The following GAL3ST2 variants were observed in gnomAD, a reference collection of about 807,000 sequenced individuals.
GAL3ST2 encodes beta-galactose-3-O-sulfotransferase 2.
A neutral mutation model predicts 12.9 loss-of-function variants in GAL3ST2; 16 were observed. The ratio of observed to expected loss-of-function variants is 1.24; its 90% confidence interval spans 0.84 to 1.88. GAL3ST2 has a LOEUF of 1.88. Ranked by LOEUF, GAL3ST2 falls within the 40% of genes most tolerant of loss-of-function variation. The pLI is 0.00. For synonymous variants in GAL3ST2, 302 were observed against 273.9 expected, an observed-to-expected ratio of 1.10 and a Z score of -1.01; for missense variants, 639 against 571.8, an observed-to-expected ratio of 1.12 and a Z score of -1.20.
chr2:241,777,076 C>A, intron 1 of GAL3ST2, 92 bp downstream of exon 1: 3 of 1,125,566 alleles, frequency 2.7e-6, no homozygotes, highest in Non-Finnish European at 3.6e-6. Flanking sequence ...GTTTGTCTTT[C>A]GAAGGAAGTG....
rs191648269 is a variant in GAL3ST2 at position 241,801,523 on chromosome 2, C to T, written c.120-258C>T. ...CATTTAGGGTTTTATTTTTAGTTCT[C>T]GGGGGCACAGGGTTGGGGGAGCATG... On this transcript the variant is annotated intron_variant, in intron 2 of 3. Transcript: ENST00000192314. The surrounding 1 kb of genome is among the most constrained non-coding windows in gnomAD (Gnocchi z 4.4). 8.6e-5 allele frequency: 47 copies of T among 548,828 alleles called. No individual in the cohort carries two copies. Among genetic ancestry groups the T allele is most frequent in the African/African-American group, 4.6e-4 (23 of 50,490 alleles). The allele number at this position is 548,828 out of a possible 1,614,324, so 34.0% of individuals were successfully genotyped here.
intron 1 of GAL3ST2, among the ~76,000 whole-genome samples, chr2:241,781,988 C>T (rs1198580951): frequency 6.6e-6 from 1 of 152,212 alleles, no homozygotes; most frequent in East Asian, 1.9e-4. Flanking sequence ...AAACAATAAG[C>T]CCTAATAAAA....
At chr2:241,781,218 AAAAAC>A (rs1699562361) in intron 1 of GAL3ST2, among the ~76,000 whole-genome samples, 1 of 152,248 alleles carries the variant, frequency 6.6e-6, no homozygotes, top group Non-Finnish European at 1.5e-5. Context: ...CTTAACTCTA[AAAAAC>A]AAAACAAAGG....
At chr2:241,788,615 A>G (rs970318885) in intron 1 of GAL3ST2, among the ~76,000 whole-genome samples, 16 of 152,188 alleles carry the variant, frequency 1.1e-4, no homozygotes, top group Non-Finnish European at 1.9e-4. Context: ...TCTCCCAGCC[A>G]AAGGTGCCCC....
chr2:241,777,045 A>G, intron 1 of GAL3ST2, 61 bp downstream of exon 1: 1 of 1,373,262 alleles, frequency 7.3e-7, no homozygotes, highest in Non-Finnish European at 9.7e-7. Flanking sequence ...CTATTCTGAG[A>G]GACGGACAGG....
intron 2 of GAL3ST2, among the ~76,000 whole-genome samples, chr2:241,799,451 C>T (rs1187713089): frequency 6.6e-6 from 1 of 152,188 alleles, no homozygotes; most frequent in Non-Finnish European, 1.5e-5. Context: ...CCTTCTTGCT[C>T]CCCACAACAG....
rs995405424 is a variant in GAL3ST2, at chr2:241,795,910, G to A, written c.30-3155G>A. Among the ~76,000 whole-genome samples, 10 of 152,214 alleles carry A rather than the reference G, an allele frequency of 6.6e-5. No homozygotes were observed. The highest frequency in any genetic ancestry group is 5.2e-4 in the Admixed American group (8 of 15,288). The stretch of plus-strand genomic sequence containing the variant: ...CTCTTCAAGGTGGTTCCATTTTGAC[G>A]TAAGGACTGGAGGGGTGCATTGAAG... On this transcript the variant is annotated intron_variant, in intron 1 of 3. Transcript: ENST00000192314. This position sits in a 1 kb window ranked among gnomAD's most constrained non-coding sequence, Gnocchi z 4.5.
At chr2:241,788,455 C>A (rs1423072037) in intron 1 of GAL3ST2, among the ~76,000 whole-genome samples, 1 of 152,028 alleles carries the variant, frequency 6.6e-6, no homozygotes, top group African/African-American at 2.4e-5. Context: ...AAGATGCATT[C>A]TAAAGGGTCT....
chr2:241,800,562 C>T lies in GAL3ST2; in HGVS notation c.120-1219C>T, dbSNP rs559820694. On this transcript the variant is annotated intron_variant, in intron 2 of 3. Transcript: ENST00000192314. The surrounding 1 kb of genome is among the most constrained non-coding windows in gnomAD (Gnocchi z 5.2). ...AACTGCGTTACAATCAGGCCCTGCA[C>T]GTCAGAAGGTGGAGCCGGGACGGGA... Among the ~76,000 whole-genome samples, 14 of 152,316 alleles carry T rather than the reference C, an allele frequency of 9.2e-5. No homozygotes were observed. In the East Asian group the frequency reaches 2.3e-3, roughly 25 times the overall value.
Position 241,801,867 on chromosome 2 carries a change from AC to A in GAL3ST2, c.207del (p.Asn69LysfsTer51). On this transcript the variant is annotated frameshift_variant, in exon 3 of 4. Transcript: ENST00000192314. LOFTEE classifies it high-confidence loss of function. This position sits in a 1 kb window ranked among gnomAD's most constrained non-coding sequence, Gnocchi z 4.4. ...AAGACGGCCAGCAGCACGGTGCTCA[AC>A]ATCCTCTACCGCTTCGCCGAGACCC... ...THKTASSTVL[N>X]ILYRFAETHN... 1 of 1,612,880 alleles carries A rather than the reference AC, an allele frequency of 6.2e-7. No homozygotes were observed. The highest frequency in any genetic ancestry group is 1.1e-5 in the South Asian group (1 of 91,068).
chr2:241,787,541 T>TCC (rs201594591), intron 1 of GAL3ST2, among the ~76,000 whole-genome samples: 13 of 59,502 alleles, frequency 2.2e-4, no homozygotes, highest in African/African-American at 5.8e-4. Context: ...CTTCTCCTCC[T>TCC]TTTTTTTTTT....
intron 2 of GAL3ST2, among the ~76,000 whole-genome samples, chr2:241,799,694 C>T (rs1319490803): frequency 6.6e-6 from 1 of 152,252 alleles, no homozygotes; most frequent in Non-Finnish European, 1.5e-5. Context: ...GGCCCCGCCA[C>T]TCCCCAGCCC....
rs1345180928 is a variant in GAL3ST2 at position 241,793,673 on chromosome 2, CAT to C, written c.30-5389_30-5388del. Among the ~76,000 whole-genome samples, 1 of 148,752 alleles carries C rather than the reference CAT, an allele frequency of 6.7e-6. No individual in the cohort carries two copies. The highest frequency in any genetic ancestry group is 1.5e-5 in the Non-Finnish European group (1 of 67,386). ...GTGTATGCATATGTGTGTGTATGCACATATTGTGTATGTGTGTGTATATGTGT... is the reference window on the plus strand; with the variant it reads ...GTGTATGCATATGTGTGTGTATGCACATTGTGTATGTGTGTGTATATGTGT... On this transcript the variant is annotated intron_variant, in intron 1 of 3. Coordinates refer to ENST00000192314, the MANE Select transcript of GAL3ST2 (RefSeq NM_022134.3). This position sits in a 1 kb window ranked among gnomAD's most constrained non-coding sequence, Gnocchi z 4.7.
Position 241,780,077 on chromosome 2 carries a change from A to G in GAL3ST2, c.29+3093A>G, listed in dbSNP as rs1436030220. Among the ~76,000 whole-genome samples the G allele has an allele frequency of 3.3e-5, 5 of 152,358 alleles. No homozygotes were observed. The South Asian group carries it at 8.3e-4, about 25-fold the overall frequency. On this transcript the variant is annotated intron_variant, in intron 1 of 3. Coordinates refer to ENST00000192314, the MANE Select transcript of GAL3ST2 (RefSeq NM_022134.3). ...GTCTAGCTTATTCCAAATTAGGAAA[A>G]ATGGGAAAAAAAGAAAAAAATGCAA...
chr2:241,802,552 C>T lies in GAL3ST2; in HGVS notation c.375+516C>T, dbSNP rs960243887. The stretch of plus-strand genomic sequence containing the variant: ...GGCCAGCAGAGGCTAGGTGACCAGG[C>T]GGGGCCAGAGGGAGGCCGGGTGGGG... On this transcript the variant is annotated intron_variant, in intron 3 of 3. Transcript: ENST00000192314. The surrounding 1 kb of genome is among the most constrained non-coding windows in gnomAD (Gnocchi z 4.8). 1.0e-4 allele frequency among the ~76,000 whole-genome samples: 15 copies of T among 145,418 alleles called. No homozygotes were observed. The highest frequency in any genetic ancestry group is 2.2e-4 in the South Asian group (1 of 4,492).
Position 241,801,332 on chromosome 2 carries a change from T to TCTGG in GAL3ST2, c.120-449_120-448insCTGG. The TCTGG allele has an allele frequency of 5.3e-6, 1 of 189,546 alleles. No individual in the cohort carries two copies. Among genetic ancestry groups the TCTGG allele is most frequent in the Non-Finnish European group, 1.1e-5 (1 of 92,088 alleles). 11.7% of individuals were successfully genotyped at this position (189,546 alleles called of 1,614,324 possible). The stretch of plus-strand genomic sequence containing the variant: ...GCTGCACAGTATTCCGTGGTGTAGA[T>TCTGG]GTGCCACATTTTCTTTACGGTCTCT... On this transcript the variant is annotated intron_variant, in intron 2 of 3. Coordinates refer to ENST00000192314, the MANE Select transcript of GAL3ST2 (RefSeq NM_022134.3). The surrounding 1 kb of genome is among the most constrained non-coding windows in gnomAD (Gnocchi z 4.4).
Position 241,803,617 on chromosome 2 carries a change from G to T in GAL3ST2, c.648G>T (p.Glu216Asp), listed in dbSNP as rs375836718. ...EEGYVRARIAEVERRFRLVLI... is the reference protein window; with the variant it reads ...EEGYVRARIADVERRFRLVLI... The stretch of plus-strand genomic sequence containing the variant: ...GCTACGTGCGCGCGCGCATCGCCGA[G>T]GTGGAGCGGCGCTTCCGGCTGGTGC... Residue 216 changes from glutamate to aspartate, a missense_variant, in exon 4 of 4, where the codon GAG becomes GAT. Coordinates refer to ENST00000192314, the MANE Select transcript of GAL3ST2 (RefSeq NM_022134.3). 25 of 1,559,718 alleles carry T rather than the reference G, an allele frequency of 1.6e-5. No individual in the cohort carries two copies. In the African/African-American group the frequency reaches 3.4e-4, roughly 21 times the overall value.
At chr2:241,783,520 G>A (rs1314699768) in intron 1 of GAL3ST2, among the ~76,000 whole-genome samples, 1 of 151,638 alleles carries the variant, frequency 6.6e-6, no homozygotes, top group African/African-American at 2.4e-5. Context: ...CTTTTTAAAA[G>A]GATACCATTT....
At chr2:241,788,946 G>A (rs895589767) in intron 1 of GAL3ST2, among the ~76,000 whole-genome samples, 2 of 152,130 alleles carry the variant, frequency 1.3e-5, no homozygotes, top group Non-Finnish European at 2.9e-5. Flanking sequence ...AAAAAAGTGG[G>A]AAACAAATAA....
Sources: gnomAD v4.1 joint callset for allele counts (sites outside exome capture counted in the v4.1 genomes callset) on GRCh38, gnomAD v4.1.1 for gene constraint, Gnocchi (gnomAD v3.1) non-coding constraint, MANE v1.5 for transcripts, NCBI Gene and HGNC (gene_info 2026-07-23, HGNC 2026-07-21) for gene names.